Variants in PTPN2 observed in about 807,000 individuals in gnomAD.
PTPN2 encodes the protein tyrosine-protein phosphatase non-receptor type 2.
Under a neutral mutation model 57.3 loss-of-function variants are expected in PTPN2, and 19 were observed. The ratio of observed to expected loss-of-function variants is 0.33; its 90% CI spans 0.23 to 0.49. PTPN2 has a LOEUF of 0.49. Among genes scored for constraint, PTPN2 ranks in the 20% least tolerant of loss-of-function variants. The pLI, the probability that PTPN2 is intolerant of heterozygous loss-of-function variation, is 0.99. For synonymous variants in PTPN2, 153 were observed against 164.9 expected (o/e 0.93, Z 0.55); for missense variants, 358 against 501.1 (o/e 0.71, Z 2.73).
Position 12,875,718 on chromosome 18 carries a change from C to T in PTPN2, c.69+8355G>A, listed in dbSNP as rs141639720. On this transcript the variant is annotated intron_variant, in intron 1 of 8. Coordinates refer to ENST00000309660, the MANE Select transcript of PTPN2 (RefSeq NM_002828.4). ...ACTATGTTAATTTTAATTTCGCGTA[C>T]CCAGACCTTATCTGTCCATCTCTCT... 1.1e-3 allele frequency among the ~76,000 whole-genome samples: 173 copies of T among 152,252 alleles called. 2 individuals are homozygous for T. In the East Asian group the frequency reaches 0.03, roughly 26 times the overall value.
At chr18:12,804,057 T>A (rs1484456485) in intron 7 of PTPN2, among the ~76,000 whole-genome samples, 3 of 151,750 alleles carry the variant, frequency 2.0e-5, no homozygotes. Flanking sequence ...CCAAGAACTT[T>A]GGGAGGTAGA....
intron 2 of PTPN2, among the ~76,000 whole-genome samples, chr18:12,838,482 T>C (rs2042943163): frequency 6.6e-6 from 1 of 152,216 alleles, no homozygotes; most frequent in Non-Finnish European, 1.5e-5. Flanking sequence ...CTGTAAAATA[T>C]GCACGAGGTG....
intron 2 of PTPN2, among the ~76,000 whole-genome samples, chr18:12,857,934 T>G (rs2043650529): frequency 6.6e-6 from 1 of 152,216 alleles, no homozygotes; most frequent in Non-Finnish European, 1.5e-5. Flanking sequence ...CTCATTTGAT[T>G]TGCCCAAAAT....
intron 8 of PTPN2, among the ~76,000 whole-genome samples, chr18:12,795,303 G>A (rs1293387658): frequency 6.6e-6 from 1 of 152,096 alleles, no homozygotes; most frequent in Non-Finnish European, 1.5e-5. Flanking sequence ...GGTGGTGGGG[G>A]AGGCGGGGTG....
At chr18:12,804,583 A>T (rs913483012) in intron 7 of PTPN2, among the ~76,000 whole-genome samples, 26 of 152,192 alleles carry the variant, frequency 1.7e-4, no homozygotes, top group African/African-American at 6.3e-4. Context: ...TAAACAAAGT[A>T]TTGTAAGAGA....
chr18:12,823,930 C>T lies in PTPN2; in HGVS notation c.495+1880G>A, dbSNP rs138610758. Among the ~76,000 whole-genome samples the T allele has an allele frequency of 4.1e-4, 63 of 152,200 alleles. No homozygotes were observed. In the East Asian group the frequency reaches 0.011, roughly 27 times the overall value. On this transcript the variant is annotated intron_variant, in intron 5 of 8. Transcript: ENST00000309660. ...ATTTTATTGTTACTTAAGGTATAAT[C>T]AATTCTCAATAAGGACTGTTTCAGA...
Position 12,845,708 on chromosome 18 carries a change from C to A in PTPN2, c.161-8817G>T, listed in dbSNP as rs553740072. On this transcript the variant is annotated intron_variant, in intron 2 of 8. Coordinates refer to ENST00000309660, the MANE Select transcript of PTPN2 (RefSeq NM_002828.4). ...TCATGTACTGGCTAGGATTCAGTAC[C>A]TCAAGTTTATATGTATTTTTAATTT... Among the ~76,000 whole-genome samples, 6 of 152,162 alleles carry A rather than the reference C, an allele frequency of 3.9e-5. No individual in the cohort carries two copies. The South Asian group carries it at 1.2e-3, about 32-fold the overall frequency.
In PTPN2 at chr18:12,807,021, C is replaced by G. The variant is rs117832668; in HGVS notation, c.859-4870G>C. Among the ~76,000 whole-genome samples the G allele has an allele frequency of 8.7e-3, 1,330 of 152,226 alleles. 6 individuals are homozygous for G. Among genetic ancestry groups the G allele is most frequent in the Admixed American group, 0.015 (234 of 15,286 alleles). Reference sequence around the variant, plus strand: ...CAATCTACAGAATGGAAGAAAATATCTGCAAACTATACATTTGACAGGGAT... The same window carrying G: ...CAATCTACAGAATGGAAGAAAATATGTGCAAACTATACATTTGACAGGGAT... On this transcript the variant is annotated intron_variant, in intron 7 of 8. Coordinates refer to ENST00000309660, the MANE Select transcript of PTPN2 (RefSeq NM_002828.4).
intron 7 of PTPN2, among the ~76,000 whole-genome samples, chr18:12,810,165 G>T (rs189583774): frequency 1.3e-5 from 2 of 152,170 alleles, no homozygotes; most frequent in African/African-American, 4.8e-5. Flanking sequence ...CTGGGTGAAA[G>T]ATGAGACTCG....
intron 2 of PTPN2, among the ~76,000 whole-genome samples, chr18:12,845,918 AC>A (rs2145427960): frequency 6.6e-6 from 1 of 152,298 alleles, no homozygotes; most frequent in African/African-American, 2.4e-5. Context: ...TACTTTACTA[AC>A]CCAGACACCA....
rs1009532880 is a variant in PTPN2, at chr18:12,796,406, A to T, written c.1041-1921T>A. On this transcript the variant is annotated intron_variant, in intron 8 of 8. Transcript: ENST00000309660. ...AATTATATTTCCATAAAACTTTATT[A>T]AAAAAGCTATATGGTGAATCTTTCA... 5.3e-5 allele frequency among the ~76,000 whole-genome samples: 8 copies of T among 152,174 alleles called. 1 individual carries two copies. In the South Asian group the frequency reaches 1.0e-3, roughly 20 times the overall value.
At chr18:12,852,078 G>T (rs1221074776) in intron 2 of PTPN2, among the ~76,000 whole-genome samples, 1 of 152,064 alleles carries the variant, frequency 6.6e-6, no homozygotes, top group Non-Finnish European at 1.5e-5. Flanking sequence ...AATGGATTTA[G>T]AGTTTCAGTT....
chr18:12,804,462 C>T (rs1454776664), intron 7 of PTPN2, among the ~76,000 whole-genome samples: 2 of 150,840 alleles, frequency 1.3e-5, no homozygotes, highest in African/African-American at 4.9e-5. Context: ...ATCAACAAAA[C>T]CAAGGATCAT....
chr18:12,791,770 C>G (rs2040987986), downstream of PTPN2, among the ~76,000 whole-genome samples: 1 of 152,146 alleles, frequency 6.6e-6, no homozygotes, highest in Non-Finnish European at 1.5e-5. Flanking sequence ...TGCGACACCA[C>G]CCAGAAGGAC....
chr18:12,835,693 T>G (rs1008231121), intron 3 of PTPN2, among the ~76,000 whole-genome samples: 2 of 152,156 alleles, frequency 1.3e-5, no homozygotes, highest in Admixed American at 6.5e-5. Flanking sequence ...TATATCTTTA[T>G]GTCTGACTGT....
chr18:12,842,480 G>A (rs1325982001), intron 2 of PTPN2, among the ~76,000 whole-genome samples: 1 of 152,190 alleles, frequency 6.6e-6, no homozygotes, highest in Non-Finnish European at 1.5e-5. Flanking sequence ...TTCTAAACAG[G>A]GTGGTCAGGA....
chr18:12,790,565 T>C (rs1281810651), downstream of PTPN2, among the ~76,000 whole-genome samples: 1 of 152,160 alleles, frequency 6.6e-6, no homozygotes, highest in Non-Finnish European at 1.5e-5. Flanking sequence ...CTTCATAAAA[T>C]TGTGTTGAGG....
intron 1 of PTPN2, among the ~76,000 whole-genome samples, chr18:12,867,621 T>TA (rs1258710456): frequency 2.1e-5 from 3 of 143,170 alleles, no homozygotes; most frequent in Non-Finnish European, 4.6e-5. Flanking sequence ...TGTCGCTTAA[T>TA]AGAGTTTCGC....
intron 2 of PTPN2, chr18:12,839,462 T>G (rs1315194864): frequency 6.6e-6 from 1 of 152,212 alleles, no homozygotes; most frequent in Non-Finnish European, 1.5e-5. Context: ...CCATAACCTT[T>G]GGGCTGTATA....
Sources: allele counts gnomAD v4.1 joint callset (sites outside exome capture counted in the v4.1 genomes callset), GRCh38; gene constraint gnomAD v4.1.1; transcripts MANE v1.5; gene names NCBI Gene and HGNC (gene_info 2026-07-23, HGNC 2026-07-21).